The following NCAN variants were observed in gnomAD, a reference collection of about 807,000 sequenced individuals.
NCAN encodes neurocan.
NCAN carries 47 observed loss-of-function variants against 121.8 expected under a neutral mutation model. The ratio of observed to expected loss-of-function variants is 0.39; its 90% CI spans 0.31 to 0.49. The LOEUF (loss-of-function observed/expected upper bound fraction) is 0.49, where lower values mean the gene tolerates loss of function less well. Ranked by LOEUF, NCAN falls within the 20% of genes least tolerant of loss-of-function variation. The pLI is 0.92. For missense variants in NCAN, 1,517 were observed against 1,773.4 expected (o/e 0.86, Z 2.60); for synonymous variants, 633 against 702.0 (o/e 0.90, Z 1.55).
At position 19,231,398 on chromosome 19, in the gene NCAN, A is replaced by C. The variant is rs113859974; in HGVS notation, c.3020-2391A>C. 1.4e-3 allele frequency among the ~76,000 whole-genome samples: 207 copies of C among 150,282 alleles called. 1 individual carries two copies. Among genetic ancestry groups the C allele is most frequent in the African/African-American group, 4.8e-3 (195 of 40,700 alleles). On this transcript the variant is annotated intron_variant, in intron 8 of 14. Transcript: ENST00000252575. Reference sequence around the variant, plus strand: ...CAGGCTGGAGTACAGTGGTGATCTCAGGTCAGTGCAACCTCCGCCTCCCAG... The same window carrying C: ...CAGGCTGGAGTACAGTGGTGATCTCCGGTCAGTGCAACCTCCGCCTCCCAG...
At chr19:19,223,986 T>C (rs773261946) in intron 3 of NCAN, 35 bp from the exon 4 acceptor site, 18 of 1,491,736 alleles carry the variant, frequency 1.2e-5, no homozygotes, top group African/African-American at 1.4e-5. Context: ...CCAGCATAAG[T>C]CAACTGTCCC....
intron 8 of NCAN, among the ~76,000 whole-genome samples, chr19:19,229,801 C>T (rs2060851590): frequency 6.6e-6 from 1 of 152,058 alleles, no homozygotes. Flanking sequence ...AAAGAGGCTG[C>T]GTGTGATGGC....
intron 13 of NCAN, among the ~76,000 whole-genome samples, chr19:19,247,644 G>A (rs2060929428): frequency 6.6e-6 from 1 of 152,264 alleles, no homozygotes; most frequent in African/African-American, 2.4e-5. Context: ...TTCCACCTCA[G>A]CCTCCCAAAG....
chr19:19,218,834 A>AT, intron 2 of NCAN, 81 bp from the exon 3 acceptor site: 8 of 1,354,458 alleles, frequency 5.9e-6, no homozygotes, highest in Non-Finnish European at 7.6e-6. Flanking sequence ...CTTTTAAAAA[A>AT]TTTTTTAAAA....
chr19:19,218,613 C>T (rs2146536845), intron 2 of NCAN, among the ~76,000 whole-genome samples: 1 of 152,078 alleles, frequency 6.6e-6, no homozygotes, highest in East Asian at 1.9e-4. Flanking sequence ...GCTGGGATTA[C>T]AGGCATGTGC....
At chr19:19,245,982 G>C (rs1198227710) in intron 13 of NCAN, among the ~76,000 whole-genome samples, 1 of 152,090 alleles carries the variant, frequency 6.6e-6, no homozygotes, top group Non-Finnish European at 1.5e-5. Context: ...AACACTTTGG[G>C]AGGCCAAGGT....
intron 8 of NCAN, among the ~76,000 whole-genome samples, chr19:19,229,385 C>T (rs932730976): frequency 7.9e-5 from 12 of 152,180 alleles, no homozygotes; most frequent in Admixed American, 7.2e-4. Context: ...AGACGCCTCC[C>T]AGGCGAGACC....
chr19:19,234,934 A>G, intron 9 of NCAN, 49 bp from the exon 10 acceptor site: 1 of 1,286,422 alleles, frequency 7.8e-7, no homozygotes, highest in Non-Finnish European at 1.1e-6. Flanking sequence ...GGGGGCTCAG[A>G]GCCAAGGGGA....
intron 4 of NCAN, 32 bp from the exon 5 acceptor site, chr19:19,224,274 A>C: frequency 6.2e-7 from 1 of 1,606,340 alleles, no homozygotes; most frequent in South Asian, 1.1e-5. Flanking sequence ...AGGAGCACAC[A>C]TCTGAGAGGG....
intron 1 of NCAN, among the ~76,000 whole-genome samples, chr19:19,214,617 G>T (rs2060789320): frequency 6.6e-6 from 1 of 152,116 alleles, no homozygotes; most frequent in African/African-American, 2.4e-5. Flanking sequence ...GGTGGTACTT[G>T]CTGGATAATC....
Position 19,211,958 on chromosome 19 carries a change from G to C in NCAN, c.-114G>C, listed in dbSNP as rs1014362975. On this transcript the variant is annotated 5_prime_UTR_variant, in exon 1 of 15. Coordinates refer to ENST00000252575, the MANE Select transcript of NCAN (RefSeq NM_004386.3). ...GCACTGAGGCGGCGCTGGGGCCAGC[G>C]GAGCGCAGGGCGCAGGGGCTGGACC... 2 of 174,940 alleles carry C rather than the reference G, an allele frequency of 1.1e-5. No homozygotes were observed. Among genetic ancestry groups the C allele is most frequent in the African/African-American group, 4.8e-5 (2 of 41,604 alleles). 10.8% of individuals were successfully genotyped at this position (174,940 alleles called of 1,614,324 possible). A position where few individuals can be genotyped will look rare whatever the true frequency, so the allele number is the denominator to read the frequency against.
At chr19:19,224,628 C>T (rs553526293) in intron 5 of NCAN, among the ~76,000 whole-genome samples, 195 bp downstream of exon 5, 1 of 151,444 alleles carries the variant, frequency 6.6e-6, no homozygotes, top group African/African-American at 2.4e-5. Flanking sequence ...CCTTTGCCCC[C>T]TTCCTCTCTC....
chr19:19,224,218 G>A, intron 4 of NCAN, 23 bp downstream of exon 4: 1 of 1,587,212 alleles, frequency 6.3e-7, no homozygotes, highest in South Asian at 1.1e-5. Context: ...CACAGGGCAG[G>A]GAGATGAAGA....
chr19:19,223,947 T>C (rs905287516), intron 3 of NCAN, 74 bp from the exon 4 acceptor site: 2 of 1,416,138 alleles, frequency 1.4e-6, no homozygotes, highest in African/African-American at 2.9e-5. Context: ...GGAGTCATTC[T>C]GCAAGAGGTA....
chr19:19,218,955 C>T lies in NCAN; in HGVS notation c.114C>T (p.His38=). 6.5e-7 allele frequency: 1 copy of T among 1,530,902 alleles called. No individual in the cohort carries two copies. Among genetic ancestry groups the T allele is most frequent in the Non-Finnish European group, 8.8e-7 (1 of 1,138,052 alleles). 94.8% of individuals were successfully genotyped at this position (1,530,902 alleles called of 1,614,324 possible). ...DITDASERGL[H]MQKLGSGSVQ... is the part of the protein sequence containing the mutation. The stretch of plus-strand genomic sequence containing the variant: ...CCGATGCCAGCGAAAGGGGGCTCCA[C>T]ATGCAGAAGCTGGGGTCTGGGTCAG... Residue 38 remains histidine, a synonymous_variant, in exon 3 of 15, where the codon CAC becomes CAT. Transcript: ENST00000252575.
At chr19:19,246,337 C>T (rs2060924472) in intron 13 of NCAN, among the ~76,000 whole-genome samples, 1 of 152,154 alleles carries the variant, frequency 6.6e-6, no homozygotes, top group African/African-American at 2.4e-5. Context: ...TGCACCTCGC[C>T]TTCATCTTTT....
chr19:19,228,475 C>T lies in NCAN; in HGVS notation c.2855C>T (p.Pro952Leu), dbSNP rs138103127. 71 of 1,613,434 alleles carry T rather than the reference C, an allele frequency of 4.4e-5. No homozygotes were observed. The highest frequency in any genetic ancestry group is 5.8e-5 in the Non-Finnish European group (68 of 1,180,032). Residue 952 changes from proline to leucine, a missense_variant, in exon 8 of 15, where the codon CCG becomes CTG. Coordinates refer to ENST00000252575, the MANE Select transcript of NCAN (RefSeq NM_004386.3). ...ASVSSGEPTV[P>L]WDPSSTLLPV... Reference sequence around the variant, plus strand: ...GTTTCCTCAGGGGAGCCTACGGTACCGTGGGACCCCTCCAGCACCCTGCTG... The same window carrying T: ...GTTTCCTCAGGGGAGCCTACGGTACTGTGGGACCCCTCCAGCACCCTGCTG...
intron 9 of NCAN, among the ~76,000 whole-genome samples, chr19:19,234,267 T>G (rs1464747833): frequency 6.6e-6 from 1 of 152,132 alleles, no homozygotes; most frequent in Non-Finnish European, 1.5e-5. Context: ...GGTGCTAGCT[T>G]CAAAGCCCAA....
Position 19,249,931 on chromosome 19 carries a change from CACA to C in NCAN, c.*24_*26del, listed in dbSNP as rs766641423. 37 of 1,605,666 alleles carry C rather than the reference CACA, an allele frequency of 2.3e-5. No homozygotes were observed. The highest frequency in any genetic ancestry group is 5.1e-5 in the Admixed American group (3 of 58,500). On this transcript the variant is annotated 3_prime_UTR_variant, in exon 15 of 15. Coordinates refer to ENST00000252575, the MANE Select transcript of NCAN (RefSeq NM_004386.3). ...TGCTGAAGAACCAGAAAAAAGAAAGCACAACACCTTTCCCATGCCTCCTCTGGA... is the reference window on the plus strand; with the variant it reads ...TGCTGAAGAACCAGAAAAAAGAAAGCACACCTTTCCCATGCCTCCTCTGGA...
Sources: gnomAD v4.1 joint callset for allele counts (sites outside exome capture counted in the v4.1 genomes callset) on GRCh38, gnomAD v4.1.1 for gene constraint, MANE v1.5 for transcripts, NCBI Gene and HGNC (gene_info 2026-07-23, HGNC 2026-07-21) for gene names.